TMEM38A: variants seen among roughly 807,000 people sequenced by gnomAD.
TMEM38A encodes transmembrane protein 38A, also known as trimeric intracellular cation channel type A.
TMEM38A carries 17 observed loss-of-function variants against 28.6 expected under a neutral mutation model. The observed-to-expected ratio is 0.60, with a 90% CI of 0.41 to 0.89. The LOEUF is 0.89. Ranked by LOEUF, TMEM38A falls within the 40% of genes least tolerant of loss-of-function variation. The probability of loss-of-function intolerance (pLI) is 0.00; values close to 1 mark genes in which losing one functional copy is unlikely to be tolerated. For synonymous variants in TMEM38A, 169 were observed against 166.1 expected, an observed-to-expected ratio of 1.02 and a Z score of -0.14; for missense variants, 328 against 393.1, an observed-to-expected ratio of 0.83 and a Z score of 1.40.
chr19:16,667,216 C>T (rs7259112), intron 1 of TMEM38A, among the ~76,000 whole-genome samples: 11,719 of 151,522 alleles, frequency 0.077, 657 homozygotes, highest in African/African-American at 0.16. Context: ...TTGCAGTGAG[C>T]CGAGATTGCG....
At chr19:16,682,631 C>T in intron 4 of TMEM38A, 123 bp downstream of exon 4, 1 of 825,732 alleles carries the variant, frequency 1.2e-6, no homozygotes. Flanking sequence ...CAGGAGCTTT[C>T]AGAGGCTATG....
intron 1 of TMEM38A, among the ~76,000 whole-genome samples, chr19:16,668,099 C>T (rs1458010675): frequency 1.3e-5 from 2 of 151,844 alleles, no homozygotes; most frequent in East Asian, 1.9e-4. Context: ...GTCCTGGCTA[C>T]TTGGTAGGTC....
intron 1 of TMEM38A, among the ~76,000 whole-genome samples, chr19:16,677,253 A>G (rs2086756051): frequency 1.3e-5 from 2 of 152,130 alleles, no homozygotes; most frequent in African/African-American, 4.8e-5. Context: ...GCTTCCTCCA[A>G]TGACATCTTA....
At position 16,661,197 on chromosome 19, in the gene TMEM38A, G is replaced by C; in HGVS notation, c.-21G>C. The C allele has an allele frequency of 7.1e-7, 1 of 1,403,808 alleles. No homozygotes were observed. The highest frequency in any genetic ancestry group is 9.4e-7 in the Non-Finnish European group (1 of 1,064,524). 87.0% of individuals were successfully genotyped at this position (1,403,808 alleles called of 1,614,324 possible). A position where few individuals can be genotyped will look rare whatever the true frequency, so the allele number is the denominator to read the frequency against. On this transcript the variant is annotated 5_prime_UTR_variant, in exon 1 of 6. Transcript: ENST00000187762. This position sits in a 1 kb window ranked among gnomAD's most constrained non-coding sequence, Gnocchi z 6.5. ...AGGCCGGGGCCCCGGGTGGCACCCG[G>C]CAGGCGGGCAGGCGGGCGCCATGGA...
intron 4 of TMEM38A, among the ~76,000 whole-genome samples, chr19:16,684,572 A>T (rs1468747134): frequency 6.6e-6 from 1 of 152,152 alleles, no homozygotes; most frequent in Non-Finnish European, 1.5e-5. Flanking sequence ...CCTATTTTGC[A>T]AGGAAAAAAA....
At chr19:16,686,217 G>T (rs1365314113) in intron 4 of TMEM38A, 71 bp from the exon 5 acceptor site, 4 of 1,110,712 alleles carry the variant, frequency 3.6e-6, no homozygotes, top group South Asian at 1.3e-5. Flanking sequence ...GGGCAGGGGG[G>T]TGTCTGGGCC....
At chr19:16,676,477 G>C (rs2086752055) in intron 1 of TMEM38A, among the ~76,000 whole-genome samples, 1 of 152,162 alleles carries the variant, frequency 6.6e-6, no homozygotes, top group Non-Finnish European at 1.5e-5. Context: ...CTCTGGTCAT[G>C]TAATGTACAG....
At chr19:16,687,957 G>A (rs928105601) in intron 5 of TMEM38A, among the ~76,000 whole-genome samples, 187 bp from the exon 6 acceptor site, 2 of 152,122 alleles carry the variant, frequency 1.3e-5, no homozygotes, top group African/African-American at 2.4e-5. Flanking sequence ...GGCATCCTGG[G>A]AAACCTGAGA....
intron 1 of TMEM38A, among the ~76,000 whole-genome samples, chr19:16,673,121 G>A (rs780583052): frequency 1.1e-4 from 16 of 152,008 alleles, no homozygotes; most frequent in East Asian, 1.9e-4. Flanking sequence ...TCCCTCTGTC[G>A]CCCAGGCTGG....
intron 5 of TMEM38A, 83 bp from the exon 6 acceptor site, chr19:16,688,061 C>T: frequency 9.9e-7 from 1 of 1,012,682 alleles, no homozygotes; most frequent in South Asian, 2.6e-5. Flanking sequence ...CCCCTCTTCT[C>T]CCCACCCTGC....
At chr19:16,669,174 C>G (rs1443397646) in intron 1 of TMEM38A, among the ~76,000 whole-genome samples, 1 of 150,906 alleles carries the variant, frequency 6.6e-6, no homozygotes. Flanking sequence ...TGTTTATCCA[C>G]TCACTCCCTG....
rs1370974083 is a variant in TMEM38A at position 16,661,836 on chromosome 19, T to A, written c.124+495T>A. Among the ~76,000 whole-genome samples the A allele has an allele frequency of 1.3e-5, 2 of 152,006 alleles. No homozygotes were observed. Among genetic ancestry groups the A allele is most frequent in the African/African-American group, 4.8e-5 (2 of 41,400 alleles). The stretch of plus-strand genomic sequence containing the variant: ...AAGTGACACCGGTTCTCCTCCCCAC[T>A]GCAACTGCCCAGCACCCTCCACTCC... On this transcript the variant is annotated intron_variant, in intron 1 of 5. Coordinates refer to ENST00000187762, the MANE Select transcript of TMEM38A (RefSeq NM_024074.4). This position sits in a 1 kb window ranked among gnomAD's most constrained non-coding sequence, Gnocchi z 6.5.
intron 1 of TMEM38A, among the ~76,000 whole-genome samples, chr19:16,664,203 C>T (rs1217547013): frequency 1.3e-5 from 2 of 152,040 alleles, no homozygotes; most frequent in African/African-American, 2.4e-5. Flanking sequence ...ATCACTTGAG[C>T]CCAGGACTTT....
intron 1 of TMEM38A, among the ~76,000 whole-genome samples, chr19:16,673,890 G>A (rs780421827): frequency 1.3e-5 from 2 of 149,728 alleles, no homozygotes; most frequent in Non-Finnish European, 3.0e-5. Context: ...GAGTTCAAGA[G>A]CAGCCTGGGC....
chr19:16,661,147 C>T lies in TMEM38A; in HGVS notation c.-71C>T, dbSNP rs1250941782. ...GGCCCAGCTGCGGGGGCGCAGTCGC[C>T]GGGCCGCGGGCGGCGGGACGGACGA... On this transcript the variant is annotated 5_prime_UTR_variant, in exon 1 of 6. Transcript: ENST00000187762. The surrounding 1 kb of genome is among the most constrained non-coding windows in gnomAD (Gnocchi z 6.5). 16 of 1,047,304 alleles carry T rather than the reference C, an allele frequency of 1.5e-5. No homozygotes were observed. In the African/African-American group the frequency reaches 2.1e-4, roughly 14 times the overall value. The allele number at this position is 1,047,304 out of a possible 1,614,324, so 64.9% of individuals were successfully genotyped here.
At chr19:16,674,018 T>A (rs2086738843) in intron 1 of TMEM38A, among the ~76,000 whole-genome samples, 1 of 152,050 alleles carries the variant, frequency 6.6e-6, no homozygotes, top group South Asian at 2.1e-4. Context: ...CCCAGGAGTT[T>A]GAGGCTGCAG....
chr19:16,661,448 G>T lies in TMEM38A; in HGVS notation c.124+107G>T. Reference sequence around the variant, plus strand: ...CCCGTGCGTGGTGGAGGGAGCGAGGGACAGGTTCAAGGATTGCATCGTGGG... The same window carrying T: ...CCCGTGCGTGGTGGAGGGAGCGAGGTACAGGTTCAAGGATTGCATCGTGGG... On this transcript the variant is annotated intron_variant, in intron 1 of 5. Coordinates refer to ENST00000187762, the MANE Select transcript of TMEM38A (RefSeq NM_024074.4). The surrounding 1 kb of genome is among the most constrained non-coding windows in gnomAD (Gnocchi z 6.5). 4.8e-6 allele frequency: 5 copies of T among 1,032,270 alleles called. No homozygotes were observed. The highest frequency in any genetic ancestry group is 6.7e-6 in the Non-Finnish European group (5 of 747,364). The allele number at this position is 1,032,270 out of a possible 1,614,324, so 63.9% of individuals were successfully genotyped here. A position where few individuals can be genotyped will look rare whatever the true frequency, so the allele number is the denominator to read the frequency against.
Position 16,682,417 on chromosome 19 carries a change from G to A in TMEM38A, c.467-4G>A. On this transcript the variant is annotated splice_region_variant and splice_polypyrimidine_tract_variant and intron_variant, in intron 3 of 5. Coordinates refer to ENST00000187762, the MANE Select transcript of TMEM38A (RefSeq NM_024074.4). ...GGCTTGTTCAGAAGCACCCTGTCCT[G>A]TAGGTTCTGGTGTCGCCCTCATGTC... 2 of 1,613,948 alleles carry A rather than the reference G, an allele frequency of 1.2e-6. No individual in the cohort carries two copies. Among genetic ancestry groups the A allele is most frequent in the South Asian group, 1.1e-5 (1 of 91,074 alleles).
chr19:16,670,630 A>G (rs1054988758), intron 1 of TMEM38A, among the ~76,000 whole-genome samples: 1 of 152,128 alleles, frequency 6.6e-6, no homozygotes, highest in African/African-American at 2.4e-5. Context: ...AGGCTTTCCC[A>G]AGATGAGCAT....
Sources: allele counts gnomAD v4.1 joint callset (sites outside exome capture counted in the v4.1 genomes callset), GRCh38; gene constraint gnomAD v4.1.1; non-coding constraint Gnocchi (gnomAD v3.1); transcripts MANE v1.5; gene names NCBI Gene and HGNC (gene_info 2026-07-23, HGNC 2026-07-21).